SORCS1: variants seen among roughly 807,000 people sequenced by gnomAD.
The protein encoded by SORCS1 is VPS10 domain-containing receptor SorCS1.
SORCS1 carries 60 observed loss-of-function variants against 146.1 expected under a neutral mutation model. The ratio of observed to expected loss-of-function variants is 0.41; its 90% CI spans 0.33 to 0.51. The LOEUF (loss-of-function observed/expected upper bound fraction) is 0.51. Ranked by LOEUF, SORCS1 falls within the 20% of genes least tolerant of loss-of-function variation. SORCS1 has a pLI of 0.21. For missense variants in SORCS1, 1,352 were observed against 1,487.6 expected, an observed-to-expected ratio of 0.91 and a Z score of 1.50; for synonymous variants, 637 against 584.0, an observed-to-expected ratio of 1.09 and a Z score of -1.31.
intron 1 of SORCS1, among the ~76,000 whole-genome samples, chr10:107,160,121 T>A (rs944938901): frequency 1.3e-5 from 2 of 152,208 alleles, no homozygotes; most frequent in African/African-American, 4.8e-5. Context: ...ATGTCCTCGC[T>A]TTTCTACAAG....
intron 1 of SORCS1, among the ~76,000 whole-genome samples, chr10:107,004,482 C>T (rs965073230): frequency 2.0e-5 from 3 of 152,098 alleles, no homozygotes; most frequent in African/African-American, 7.2e-5. Context: ...AGAGGTTGTG[C>T]AGGGGAACTC....
intron 1 of SORCS1, among the ~76,000 whole-genome samples, chr10:107,150,833 G>T (rs1167490421): frequency 6.6e-6 from 1 of 152,142 alleles, no homozygotes; most frequent in African/African-American, 2.4e-5. Flanking sequence ...GAAGAAGGAG[G>T]TGTTTGCATT....
chr10:107,025,258 G>C (rs544107596), intron 1 of SORCS1, among the ~76,000 whole-genome samples: 3 of 152,300 alleles, frequency 2.0e-5, no homozygotes, highest in Non-Finnish European at 4.4e-5. Context: ...CCAGCTGAAA[G>C]TTCTAGCTAA....
intron 3 of SORCS1, among the ~76,000 whole-genome samples, chr10:106,818,153 T>C (rs2243454): frequency 0.62 from 94,837 of 152,034 alleles, 32,005 homozygotes; most frequent in African/African-American, 0.91. Context: ...ATTATACCCC[T>C]AAATTTCATC....
chr10:107,144,909 C>T (rs958584330), intron 1 of SORCS1, among the ~76,000 whole-genome samples: 5 of 152,236 alleles, frequency 3.3e-5, no homozygotes, highest in African/African-American at 7.2e-5. Context: ...ATCCACATCA[C>T]GCTGTTAAAA....
intron 1 of SORCS1, among the ~76,000 whole-genome samples, chr10:107,143,801 G>A (rs1968054836): frequency 6.6e-6 from 1 of 151,850 alleles, no homozygotes; most frequent in Admixed American, 6.6e-5. Context: ...ACCACGCCCG[G>A]CCTAATTTTC....
chr10:106,668,218 G>C (rs997842898), intron 16 of SORCS1, among the ~76,000 whole-genome samples: 1 of 152,190 alleles, frequency 6.6e-6, no homozygotes, highest in Non-Finnish European at 1.5e-5. Flanking sequence ...CCTCATTACT[G>C]GTGATGTCTT....
intron 1 of SORCS1, among the ~76,000 whole-genome samples, chr10:107,157,156 C>G (rs1464465929): frequency 6.6e-6 from 1 of 152,122 alleles, no homozygotes; most frequent in Admixed American, 6.5e-5. Context: ...AACTACAAGG[C>G]TAGGGTGCAG....
At chr10:106,746,738 T>C (rs570542194) in intron 5 of SORCS1, among the ~76,000 whole-genome samples, 22 of 152,366 alleles carry the variant, frequency 1.4e-4, no homozygotes, top group Non-Finnish European at 2.6e-4. Context: ...CAGAACCTGA[T>C]AGCAGATGAC....
intron 1 of SORCS1, among the ~76,000 whole-genome samples, chr10:107,090,316 A>G (rs1227262464): frequency 6.6e-6 from 1 of 152,196 alleles, no homozygotes; most frequent in Non-Finnish European, 1.5e-5. Context: ...GGAATGGGAC[A>G]TGGCAGCCTC....
At chr10:107,038,488 T>C (rs890209765) in intron 1 of SORCS1, among the ~76,000 whole-genome samples, 5 of 151,964 alleles carry the variant, frequency 3.3e-5, no homozygotes, top group African/African-American at 7.3e-5. Context: ...CATGTATACA[T>C]ATGTAACAAA....
intron 1 of SORCS1, among the ~76,000 whole-genome samples, chr10:107,056,769 A>C (rs1960679930): frequency 6.6e-6 from 1 of 152,244 alleles, no homozygotes; most frequent in East Asian, 1.9e-4. Flanking sequence ...CTTCCAAGAC[A>C]GACAGAGAAA....
At chr10:106,740,164 C>A (rs1391391973) in intron 5 of SORCS1, among the ~76,000 whole-genome samples, 2 of 152,120 alleles carry the variant, frequency 1.3e-5, no homozygotes, top group African/African-American at 4.8e-5. Context: ...TACTTACATA[C>A]TAACTTTAGA....
chr10:106,833,172 A>G (rs1268255962), intron 2 of SORCS1, among the ~76,000 whole-genome samples: 1 of 152,184 alleles, frequency 6.6e-6, no homozygotes, highest in African/African-American at 2.4e-5. Context: ...TCATCCACCA[A>G]TCCAGATCCC....
chr10:106,622,101 C>A (rs1847785288), intron 19 of SORCS1, among the ~76,000 whole-genome samples: 1 of 151,962 alleles, frequency 6.6e-6, no homozygotes, highest in Non-Finnish European at 1.5e-5. Flanking sequence ...ACCATCCTGG[C>A]CAACATGGTG....
intron 1 of SORCS1, among the ~76,000 whole-genome samples, chr10:107,009,114 G>A (rs892957165): frequency 6.6e-6 from 1 of 152,066 alleles, no homozygotes; most frequent in African/African-American, 2.4e-5. Context: ...ATTCCACGTC[G>A]ATGCAAAAAA....
chr10:106,978,691 A>C (rs1432195870), intron 1 of SORCS1, among the ~76,000 whole-genome samples: 1 of 151,814 alleles, frequency 6.6e-6, no homozygotes, highest in African/African-American at 2.4e-5. Flanking sequence ...CCAGCTACTC[A>C]GGAGGCTGAG....
At chr10:107,046,059 G>T (rs2134018594) in intron 1 of SORCS1, among the ~76,000 whole-genome samples, 1 of 152,086 alleles carries the variant, frequency 6.6e-6, no homozygotes, top group East Asian at 1.9e-4. Context: ...CGATCCTCCT[G>T]CCTCAGCCTC....
chr10:106,597,478 C>CTTTTGGTGTCA, intron 23 of SORCS1, 28 bp from the exon 24 acceptor site: 4 of 1,541,998 alleles, frequency 2.6e-6, no homozygotes, highest in Non-Finnish European at 3.6e-6. Context: ...GTTAGTGACA[C>CTTTTGGTGTCA]CAAAAGTGTC....
Sources: allele counts gnomAD v4.1 joint callset (sites outside exome capture counted in the v4.1 genomes callset), GRCh38; gene constraint gnomAD v4.1.1; transcripts MANE v1.5; gene names NCBI Gene and HGNC (gene_info 2026-07-23, HGNC 2026-07-21).